EPB41L4A: variants seen among roughly 807,000 people sequenced by gnomAD.
The protein encoded by EPB41L4A is band 4.1-like protein 4A.
In EPB41L4A, 100 loss-of-function variants were observed where a neutral mutation model predicts 108.6. The ratio of observed to expected loss-of-function variants is 0.92; its 90% CI spans 0.78 to 1.09. The LOEUF (loss-of-function observed/expected upper bound fraction) is 1.09, where lower values mean the gene tolerates loss of function less well. EPB41L4A is among the 50% of genes least tolerant of loss of function. The pLI is 0.00. For missense variants in EPB41L4A, 1,030 were observed against 842.7 expected (o/e 1.22, Z -2.75); for synonymous variants, 319 against 289.0 (o/e 1.10, Z -1.05).
At chr5:112,170,499 T>G in intron 19 of EPB41L4A, 130 bp from the exon 20 acceptor site, 1 of 637,648 alleles carries the variant, frequency 1.6e-6, no homozygotes, top group East Asian at 2.9e-5. Flanking sequence ...TAATGAAAAT[T>G]TATAAAAACT....
chr5:112,154,154 T>A (rs1169760494), intron 12 of EPB41L4A, among the ~76,000 whole-genome samples: 1 of 152,134 alleles, frequency 6.6e-6, no homozygotes, highest in Non-Finnish European at 1.5e-5. Flanking sequence ...AAACTACATA[T>A]ACAATATTGC....
downstream of EPB41L4A, chr5:112,158,498 C>T: frequency 3.1e-6 from 1 of 326,384 alleles, no homozygotes; most frequent in Non-Finnish European, 6.1e-6. Flanking sequence ...TGCTGGCTGC[C>T]CCAGTCCAAG....
intron 2 of EPB41L4A, among the ~76,000 whole-genome samples, chr5:112,304,051 T>A (rs968026493): frequency 6.6e-6 from 1 of 151,972 alleles, no homozygotes; most frequent in Non-Finnish European, 1.5e-5. Context: ...ACTAAGTGTG[T>A]TTGGGGGTGG....
At chr5:112,168,228 G>A (rs1760369347) in intron 22 of EPB41L4A, among the ~76,000 whole-genome samples, 1 of 152,158 alleles carries the variant, frequency 6.6e-6, no homozygotes, top group Non-Finnish European at 1.5e-5. Flanking sequence ...AAGTGTTAAA[G>A]TGATTTTGTT....
intron 2 of EPB41L4A, among the ~76,000 whole-genome samples, chr5:112,291,357 CCCCTT>C (rs1456911602): frequency 3.3e-5 from 5 of 152,232 alleles, no homozygotes; most frequent in African/African-American, 7.2e-5. Context: ...CCATGCTCCT[CCCCTT>C]ATCACTCCAG....
At chr5:112,351,630 C>T (rs539679224) in intron 1 of EPB41L4A, among the ~76,000 whole-genome samples, 157 of 152,256 alleles carry the variant, frequency 1.0e-3, no homozygotes, top group African/African-American at 3.7e-3. Flanking sequence ...CAGCATTACG[C>T]TGATGCCAAA....
chr5:112,418,640 G>C (rs913731693), intron 1 of EPB41L4A, among the ~76,000 whole-genome samples: 3 of 152,150 alleles, frequency 2.0e-5, no homozygotes, highest in African/African-American at 7.2e-5. Context: ...TGAGAGCTGC[G>C]GGGCACCCAG....
chr5:112,293,918 A>C (rs1410164965), intron 2 of EPB41L4A, among the ~76,000 whole-genome samples: 1 of 152,248 alleles, frequency 6.6e-6, no homozygotes, highest in African/African-American at 2.4e-5. Context: ...ACCAAGAAGA[A>C]ATAGAAAAAT....
chr5:112,372,214 G>A (rs896702507), intron 1 of EPB41L4A, among the ~76,000 whole-genome samples: 2 of 152,144 alleles, frequency 1.3e-5, no homozygotes, highest in African/African-American at 4.8e-5. Flanking sequence ...TTACAATCAT[G>A]GCAGAAGGCA....
At chr5:112,337,496 A>T (rs1756997805) in intron 1 of EPB41L4A, among the ~76,000 whole-genome samples, 1 of 152,198 alleles carries the variant, frequency 6.6e-6, no homozygotes, top group African/African-American at 2.4e-5. Context: ...TATCTCAGTC[A>T]TCACAAGATC....
At chr5:112,170,231 TGAA>T (rs1760495943) in intron 20 of EPB41L4A, 67 bp downstream of exon 20, 10 of 1,438,940 alleles carry the variant, frequency 6.9e-6, no homozygotes, top group South Asian at 4.7e-5. Context: ...GGAACACAAT[TGAA>T]GAATTAGAAT....
Position 112,414,798 on chromosome 5 carries a change from C to T in EPB41L4A, c.99+4143G>A, listed in dbSNP as rs1176734863. Among the ~76,000 whole-genome samples the T allele has an allele frequency of 2.6e-5, 4 of 152,162 alleles. No homozygotes were observed. In the East Asian group the frequency reaches 5.8e-4, roughly 22 times the overall value. ...TTGTAAAATTGAGGGGCTATTTATACACAGTTCATCTTATGCGGCCACAAC... is the reference window on the plus strand; with the variant it reads ...TTGTAAAATTGAGGGGCTATTTATATACAGTTCATCTTATGCGGCCACAAC... On this transcript the variant is annotated intron_variant, in intron 1 of 22. Coordinates refer to ENST00000261486, the MANE Select transcript of EPB41L4A (RefSeq NM_022140.5).
At chr5:112,222,572 C>T (rs759133251) in intron 12 of EPB41L4A, among the ~76,000 whole-genome samples, 1 of 152,218 alleles carries the variant, frequency 6.6e-6, no homozygotes, top group Non-Finnish European at 1.5e-5. Context: ...TTCATAGCTA[C>T]TAAGCCTCCC....
chr5:112,312,542 T>G (rs996090622), intron 1 of EPB41L4A, among the ~76,000 whole-genome samples: 12 of 152,124 alleles, frequency 7.9e-5, no homozygotes, highest in Non-Finnish European at 1.6e-4. Context: ...CAGGAGAGTC[T>G]CAGAAATGCT....
chr5:112,225,820 G>A (rs919451700), intron 12 of EPB41L4A, among the ~76,000 whole-genome samples: 1 of 152,074 alleles, frequency 6.6e-6, no homozygotes, highest in Non-Finnish European at 1.5e-5. Context: ...TTCTTTCTTA[G>A]TCTTTCGTCT....
intron 22 of EPB41L4A, among the ~76,000 whole-genome samples, chr5:112,168,097 T>C (rs1232315347): frequency 6.6e-6 from 1 of 152,228 alleles, no homozygotes; most frequent in Non-Finnish European, 1.5e-5. Context: ...TAAATCCATC[T>C]AACTGTCTTA....
chr5:112,309,687 G>A (rs976292520), intron 1 of EPB41L4A, among the ~76,000 whole-genome samples: 1 of 152,142 alleles, frequency 6.6e-6, no homozygotes, highest in Non-Finnish European at 1.5e-5. Flanking sequence ...TATGCTATAT[G>A]GCACAGTTGA....
At chr5:112,310,463 C>A (rs115338325) in intron 1 of EPB41L4A, among the ~76,000 whole-genome samples, 1 of 152,350 alleles carries the variant, frequency 6.6e-6, no homozygotes, top group Non-Finnish European at 1.5e-5. Flanking sequence ...TTCATCCTGA[C>A]TGTAATGGAT....
At chr5:112,314,533 A>G (rs937189279) in intron 1 of EPB41L4A, among the ~76,000 whole-genome samples, 11 of 142,056 alleles carry the variant, frequency 7.7e-5, no homozygotes, top group African/African-American at 2.0e-4. Context: ...AAAAAAAAAA[A>G]AAAAAGAAAA....
Sources: allele counts gnomAD v4.1 joint callset (sites outside exome capture counted in the v4.1 genomes callset), GRCh38; gene constraint gnomAD v4.1.1; transcripts MANE v1.5; gene names NCBI Gene and HGNC (gene_info 2026-07-23, HGNC 2026-07-21).